The following CHIC2 variants were observed in gnomAD, a reference collection of about 807,000 sequenced individuals.
The protein encoded by CHIC2 is cysteine rich hydrophobic domain 2, also known as cysteine-rich hydrophobic domain-containing protein 2.
A neutral mutation model predicts 25.9 loss-of-function variants in CHIC2; 14 were observed. The ratio of observed to expected loss-of-function variants is 0.54; its 90% CI spans 0.36 to 0.85. The LOEUF (loss-of-function observed/expected upper bound fraction) is 0.85, where lower values mean the gene tolerates loss of function less well. Ranked by LOEUF, CHIC2 falls within the 40% of genes least tolerant of loss-of-function variation. The pLI is 0.01. For missense variants in CHIC2, 146 were observed against 202.0 expected (o/e 0.72, Z 1.68); for synonymous variants, 70 against 72.0 (o/e 0.97, Z 0.14).
intron 3 of CHIC2, among the ~76,000 whole-genome samples, chr4:54,041,325 A>G (rs973399582): frequency 4.6e-5 from 7 of 152,136 alleles, no homozygotes; most frequent in African/African-American, 1.7e-4. Flanking sequence ...GAAAGAAAAC[A>G]GAAGTTCACA....
At chr4:54,087,259 C>T in the CHIC2 span, 445 of 602,492 alleles carry the variant, frequency 7.4e-4, 7 homozygotes, top group East Asian at 0.012. Context: ...AAAGCGAGGA[C>T]GCATTTAAGA....
At chr4:54,038,566 T>C (rs974064161) in intron 3 of CHIC2, among the ~76,000 whole-genome samples, 1 of 152,238 alleles carries the variant, frequency 6.6e-6, no homozygotes, top group African/African-American at 2.4e-5. Context: ...CATCTGTAAA[T>C]TGAATGTAAT....
At chr4:54,077,120 G>A in the CHIC2 span, among the ~76,000 whole-genome samples, 2 of 152,266 alleles carry the variant, frequency 1.3e-5, no homozygotes, top group South Asian at 4.1e-4. Context: ...AGTACTCAAC[G>A]TTAGTTGTTA....
chr4:54,061,723 T>C (rs916851992), intron 1 of CHIC2, among the ~76,000 whole-genome samples: 16 of 152,122 alleles, frequency 1.1e-4, no homozygotes, highest in East Asian at 5.8e-4. Context: ...CTGGGAATTA[T>C]GCATGACAGA....
chr4:54,084,959 CAAAAAAAAA>C, the CHIC2 span, among the ~76,000 whole-genome samples: 1 of 58,928 alleles, frequency 1.7e-5, no homozygotes, highest in Non-Finnish European at 3.2e-5. Context: ...TGCTCTGTCT[CAAAAAAAAA>C]AAAAAAAAAA....
intron 3 of CHIC2, among the ~76,000 whole-genome samples, chr4:54,018,679 T>C (rs935266858): frequency 6.6e-5 from 10 of 152,082 alleles, no homozygotes; most frequent in Admixed American, 5.2e-4. Flanking sequence ...ACAAAGTTTA[T>C]CTTAATATTT....
chr4:54,085,824 G>A, the CHIC2 span, among the ~76,000 whole-genome samples: 5 of 152,038 alleles, frequency 3.3e-5, no homozygotes, highest in Admixed American at 2.0e-4. Context: ...TTAGCCAGGA[G>A]GTCTGGAAAG....
At chr4:54,076,954 T>C in the CHIC2 span, 1 of 139,108 alleles carries the variant, frequency 7.2e-6, no homozygotes, top group East Asian at 2.0e-4. Context: ...GAATCATTTG[T>C]ACTGATAAAT....
intron 1 of CHIC2, among the ~76,000 whole-genome samples, chr4:54,058,559 T>TACACACACACACACACACACACAC (rs36034143): frequency 1.4e-5 from 2 of 138,476 alleles, no homozygotes; most frequent in Non-Finnish European, 3.2e-5. Context: ...TACACACACA[T>TACACACACACACACACACACACAC]ACACACACAC....
At chr4:54,038,834 C>T (rs1716475072) in intron 3 of CHIC2, among the ~76,000 whole-genome samples, 1 of 151,344 alleles carries the variant, frequency 6.6e-6, no homozygotes, top group South Asian at 2.1e-4. Context: ...CCAACCTGGG[C>T]AACACAGCAA....
intron 3 of CHIC2, among the ~76,000 whole-genome samples, chr4:54,031,611 C>CTTTTTT (rs1037563282): frequency 6.9e-4 from 71 of 103,452 alleles, no homozygotes; most frequent in African/African-American, 1.4e-3. Flanking sequence ...GATGTACTTG[C>CTTTTTT]TTTTTTTTTT....
At chr4:54,053,343 G>A (rs917691930) in intron 1 of CHIC2, among the ~76,000 whole-genome samples, 11 of 152,070 alleles carry the variant, frequency 7.2e-5, no homozygotes, top group Non-Finnish European at 1.5e-5. Flanking sequence ...GATCACCTGA[G>A]GTCAGGAGTT....
chr4:54,022,730 C>T (rs1715940830), intron 3 of CHIC2, among the ~76,000 whole-genome samples: 1 of 152,096 alleles, frequency 6.6e-6, no homozygotes, highest in Non-Finnish European at 1.5e-5. Flanking sequence ...TCCCTAGCAA[C>T]CGATCACATG....
intron 1 of CHIC2, among the ~76,000 whole-genome samples, chr4:54,053,724 GT>G (rs921544353): frequency 2.0e-5 from 3 of 151,326 alleles, no homozygotes; most frequent in South Asian, 4.2e-4. Flanking sequence ...TGTGTCATTT[GT>G]TTTTTTTTAA....
chr4:54,012,992 A>G (rs946074741), intron 5 of CHIC2, among the ~76,000 whole-genome samples: 5 of 152,094 alleles, frequency 3.3e-5, no homozygotes, highest in Non-Finnish European at 7.4e-5. Flanking sequence ...ATATTGTTTT[A>G]AAGAATAGAC....
the CHIC2 span, among the ~76,000 whole-genome samples, chr4:54,088,547 G>A: frequency 6.6e-6 from 1 of 152,228 alleles, no homozygotes; most frequent in East Asian, 1.9e-4. Context: ...CAACAGAGGG[G>A]AAGGCTAGAG....
At chr4:54,061,741 TA>T (rs200957635) in intron 1 of CHIC2, among the ~76,000 whole-genome samples, 6 of 149,282 alleles carry the variant, frequency 4.0e-5, no homozygotes, top group South Asian at 4.3e-4. Context: ...AGAGCCATGT[TA>T]AAAAAAAAAG....
chr4:54,028,747 T>TTTC (rs2110069332), intron 3 of CHIC2, among the ~76,000 whole-genome samples: 1 of 152,374 alleles, frequency 6.6e-6, no homozygotes, highest in Non-Finnish European at 1.5e-5. Flanking sequence ...TCTTTCAAGT[T>TTTC]AAACATCAGG....
At position 54,064,466 on chromosome 4, in the gene CHIC2, G is replaced by A; in HGVS notation, c.-166C>T. 6.8e-7 allele frequency: 1 copy of A among 1,460,370 alleles called. No individual in the cohort carries two copies. The highest frequency in any genetic ancestry group is 9.0e-7 in the Non-Finnish European group (1 of 1,114,380). 90.5% of individuals were successfully genotyped at this position (1,460,370 alleles called of 1,614,324 possible). ...CGGCTCCGGCTACAGAGGGGATGGG[G>A]TCTGGACCGTCGCCGCCACCGCCGC... On this transcript the variant is annotated 5_prime_UTR_variant, in exon 1 of 6. Transcript: ENST00000263921. This position sits in a 1 kb window ranked among gnomAD's most constrained non-coding sequence, Gnocchi z 4.2.
Sources: gnomAD v4.1 joint callset for allele counts (sites outside exome capture counted in the v4.1 genomes callset) on GRCh38, gnomAD v4.1.1 for gene constraint, Gnocchi (gnomAD v3.1) non-coding constraint, MANE v1.5 for transcripts, NCBI Gene and HGNC (gene_info 2026-07-23, HGNC 2026-07-21) for gene names.